The following TTLL3 variants were observed in gnomAD, a reference collection of about 807,000 sequenced individuals.
The protein encoded by TTLL3 is tubulin monoglycylase TTLL3.
A neutral mutation model predicts 75.2 loss-of-function variants in TTLL3; 63 were observed. The ratio of observed to expected loss-of-function variants is 0.84; its 90% CI spans 0.68 to 1.03. The LOEUF (loss-of-function observed/expected upper bound fraction) is 1.03, where lower values mean the gene tolerates loss of function less well. Ranked by LOEUF, TTLL3 falls within the 50% of genes least tolerant of loss-of-function variation. The probability of loss-of-function intolerance (pLI) is 0.00; values close to 1 mark genes in which losing one functional copy is unlikely to be tolerated. For missense variants in TTLL3, 997 were observed against 1,069.9 expected (o/e 0.93, Z 0.95); for synonymous variants, 393 against 418.5 (o/e 0.94, Z 0.74).
upstream of TTLL3, chr3:9,809,924 C>A: frequency 6.9e-6 from 8 of 1,165,704 alleles, no homozygotes; most frequent in Non-Finnish European, 7.6e-6. Flanking sequence ...CGAGCCTAGG[C>A]AGGAACTTCC....
Position 9,815,062 on chromosome 3 carries a change from A to AC in TTLL3, c.316-1008dup, listed in dbSNP as rs1200864825. Among the ~76,000 whole-genome samples, 26 of 150,432 alleles carry AC rather than the reference A, an allele frequency of 1.7e-4. No homozygotes were observed. The East Asian group carries it at 5.2e-3, about 30-fold the overall frequency. On this transcript the variant is annotated intron_variant, in intron 4 of 13. Transcript: ENST00000685419. The stretch of plus-strand genomic sequence containing the variant: ...AGACCAGCCTGGGGAACATGGTGAA[A>AC]CCCCGCCTCTACTAAAAATACAAAA...
chr3:9,817,763 A>G lies in TTLL3; in HGVS notation c.559+4A>G. The G allele has an allele frequency of 6.2e-7, 1 of 1,614,150 alleles. No individual in the cohort carries two copies. The highest frequency in any genetic ancestry group is 8.5e-7 in the Non-Finnish European group (1 of 1,180,008). On this transcript the variant is annotated splice_donor_region_variant and intron_variant, in intron 6 of 13. Transcript: ENST00000685419. ...GATGACAAAAAAGCCTTCATAGGTA[A>G]GGAGACCCCCAGCCCTATGCCTGAA...
At chr3:9,818,743 C>A in intron 6 of TTLL3, 79 bp from the exon 7 acceptor site, 3 of 1,605,990 alleles carry the variant, frequency 1.9e-6, no homozygotes, top group Non-Finnish European at 2.6e-6. Flanking sequence ...CAAAATGGGG[C>A]AAGTCATGAT....
chr3:9,818,647 C>G (rs762851033), intron 6 of TTLL3, 175 bp from the exon 7 acceptor site: 2 of 1,446,686 alleles, frequency 1.4e-6, no homozygotes, highest in South Asian at 1.4e-5. Context: ...GGATTACAGG[C>G]GTCAGCCACC....
rs140549097 is a variant in TTLL3, at chr3:9,828,266, A to G, written c.1248-694A>G. 8.5e-4 allele frequency: 77 copies of G among 91,098 alleles called. 1 individual carries two copies. The highest frequency in any genetic ancestry group is 2.6e-3 in the African/African-American group (72 of 27,212). 5.6% of individuals were successfully genotyped at this position (91,098 alleles called of 1,614,324 possible). ...ATGTCGTGTTAACTTCTAGGGTGAG[A>G]GAAAGCCTTGTTAAAGCCTGAATTC... On this transcript the variant is annotated intron_variant, in intron 10 of 13. Coordinates refer to ENST00000685419, the MANE Select transcript of TTLL3 (RefSeq NM_001387446.1).
chr3:9,817,713 A>G lies in TTLL3; in HGVS notation c.513A>G (p.Pro171=). The G allele has an allele frequency of 1.2e-6, 2 of 1,614,134 alleles. No homozygotes were observed. Among genetic ancestry groups the G allele is most frequent in the South Asian group, 2.2e-5 (2 of 91,086 alleles). The part of the protein sequence containing the change: ...FDEVDANSFF[P]RCYCLGAEDD... Reference sequence around the variant, plus strand: ...AGGTTGATGCCAACTCCTTCTTCCCACGCTGCTACTGCCTGGGGGCTGAGG... The same window carrying G: ...AGGTTGATGCCAACTCCTTCTTCCCGCGCTGCTACTGCCTGGGGGCTGAGG... The change falls in exon 6 of 14, where the codon CCA becomes CCG. Residue 171 remains proline, a synonymous_variant. Coordinates refer to ENST00000685419, the MANE Select transcript of TTLL3 (RefSeq NM_001387446.1).
intron 4 of TTLL3, among the ~76,000 whole-genome samples, chr3:9,813,718 C>T (rs1010207141): frequency 1.3e-5 from 2 of 152,152 alleles, no homozygotes; most frequent in Admixed American, 6.5e-5. Flanking sequence ...CTGGGAATTA[C>T]AGGCTGCAGT....
chr3:9,810,260 GCAGCCCCGCCCCTGCGCGCCGCCT>G (rs1279192243), exon 1 of TTLL3: 4 of 1,508,530 alleles, frequency 2.7e-6, no homozygotes, highest in Non-Finnish European at 3.5e-6. This position sits in a 1 kb window ranked among gnomAD's most constrained non-coding sequence, Gnocchi z 4.4. Context: ...TGCCAGGCGG[GCAGCCCCGCCCCTGCGCGCCGCCT>G]CAGCGGCGCC....
At position 9,820,694 on chromosome 3, in the gene TTLL3, C is replaced by G. The variant is rs2080326344; in HGVS notation, c.807C>G (p.Thr269=). ...DKDLEAPLYL[T]PEGWSLFLQR... is the part of the protein sequence containing the mutation. ...ACCTGGAGGCCCCGCTGTACCTCAC[C>G]CCCGAGGGCTGGTCCCTCTTCCTCC... The change falls in exon 8 of 14, where the codon ACC becomes ACG. Residue 269 remains threonine (T), a synonymous_variant. Transcript: ENST00000685419. 5 of 1,614,162 alleles carry G rather than the reference C, an allele frequency of 3.1e-6. No individual in the cohort carries two copies. The East Asian group carries it at 6.7e-5, about 22-fold the overall frequency.
chr3:9,827,401 C>G lies in TTLL3; in HGVS notation c.1247+161C>G, dbSNP rs568361985. On this transcript the variant is annotated intron_variant, in intron 10 of 13. Coordinates refer to ENST00000685419, the MANE Select transcript of TTLL3 (RefSeq NM_001387446.1). ...TCCTGCCAGCTGTCCTTGCATCCAA[C>G]AGATTTTTTTTTAACAGACAGGGGG... 1.3e-5 allele frequency: 18 copies of G among 1,356,336 alleles called. No homozygotes were observed. In the African/African-American group the frequency reaches 2.5e-4, roughly 19 times the overall value. 84.0% of individuals were successfully genotyped at this position (1,356,336 alleles called of 1,614,324 possible). A position where few individuals can be genotyped will look rare whatever the true frequency, so the allele number is the denominator to read the frequency against.
rs1321952653 is a variant in TTLL3, at chr3:9,825,870, G to A, written c.925G>A (p.Ala309Thr). Residue 309 changes from alanine to threonine, a missense_variant, in exon 9 of 14, where the codon GCC becomes ACC. Physicochemically the swap from Ala to Thr is moderately conservative, Grantham distance 58 (BLOSUM62 0). Coordinates refer to ENST00000685419, the MANE Select transcript of TTLL3 (RefSeq NM_001387446.1). ...RCEDILQQLQ[A>T]VVPQIDMEGD... The stretch of plus-strand genomic sequence containing the variant: ...TGAGGACATCCTGCAGCAGCTGCAG[G>A]CCGTGGTACCCCAGATAGACATGGA... 6.2e-7 allele frequency: 1 copy of A among 1,614,178 alleles called. No homozygotes were observed. Among genetic ancestry groups the A allele is most frequent in the Non-Finnish European group, 8.5e-7 (1 of 1,180,024 alleles).
intron 4 of TTLL3, among the ~76,000 whole-genome samples, chr3:9,815,224 A>G (rs2079727008): frequency 1.4e-5 from 2 of 141,186 alleles, no homozygotes; most frequent in South Asian, 4.7e-4. Context: ...CTGGGCGACA[A>G]GAGTCAGACT....
At chr3:9,827,480 G>C (rs1440832161) in intron 10 of TTLL3, 7 of 592,712 alleles carry the variant, frequency 1.2e-5, no homozygotes, top group Non-Finnish European at 1.9e-5. Context: ...ACGGCTCACT[G>C]TAGCCTTGAC....
chr3:9,810,712 C>CAG lies in TTLL3; in HGVS notation c.48+6_48+7dup. On this transcript the variant is annotated splice_donor_region_variant and intron_variant, in intron 2 of 13. Coordinates refer to ENST00000685419, the MANE Select transcript of TTLL3 (RefSeq NM_001387446.1). This position sits in a 1 kb window ranked among gnomAD's most constrained non-coding sequence, Gnocchi z 4.4. ...TCTACGTGGAGAGAGCTGTCAAGGT[C>CAG]AGAGGAGGGGCAGGGGCGCTTAGAA... The CAG allele has an allele frequency of 6.3e-7, 1 of 1,584,354 alleles. No homozygotes were observed. Among genetic ancestry groups the CAG allele is most frequent in the South Asian group, 1.2e-5 (1 of 86,426 alleles).
rs775473773 is a variant in TTLL3 at position 9,818,966 on chromosome 3, C to G, written c.658+46C>G. 6 of 1,612,446 alleles carry G rather than the reference C, an allele frequency of 3.7e-6. 1 individual carries two copies. In the South Asian group the frequency reaches 6.6e-5, roughly 18 times the overall value. Reference sequence around the variant, plus strand: ...CACTCTCCCACCCATTTATCCTCCACCCATCCGCCCTTCCACCTATCTGCC... The same window carrying G: ...CACTCTCCCACCCATTTATCCTCCAGCCATCCGCCCTTCCACCTATCTGCC... On this transcript the variant is annotated intron_variant, in intron 7 of 13. Transcript: ENST00000685419.
At chr3:9,812,244 G>A (rs904787938) in intron 2 of TTLL3, among the ~76,000 whole-genome samples, 5 of 152,148 alleles carry the variant, frequency 3.3e-5, no homozygotes, top group Non-Finnish European at 7.4e-5. Flanking sequence ...CACCAGATGA[G>A]GTGGCTGACG....
chr3:9,815,458 G>A lies in TTLL3; in HGVS notation c.316-616G>A, dbSNP rs964762009. The stretch of plus-strand genomic sequence containing the variant: ...AGAGCAGGGCCCAGCATGGGCTGAC[G>A]CTGGTTATTAATAATTACCCCACCT... On this transcript the variant is annotated intron_variant, in intron 4 of 13. Transcript: ENST00000685419. 6.6e-5 allele frequency among the ~76,000 whole-genome samples: 10 copies of A among 152,346 alleles called. No individual in the cohort carries two copies. The Middle Eastern group carries it at 0.01, about 155-fold the overall frequency.
At chr3:9,811,387 A>G (rs2079338762) in intron 2 of TTLL3, among the ~76,000 whole-genome samples, 1 of 152,110 alleles carries the variant, frequency 6.6e-6, no homozygotes, top group South Asian at 2.1e-4. Flanking sequence ...TCAGTTCCTC[A>G]CGCCAGAAAT....
chr3:9,820,322 G>A (rs1391838426), intron 7 of TTLL3: 27 of 1,386,768 alleles, frequency 1.9e-5, no homozygotes, highest in Admixed American at 6.0e-5. Context: ...GCAGAGCCTC[G>A]AGTGACAGGT....
Sources: allele counts gnomAD v4.1 joint callset (sites outside exome capture counted in the v4.1 genomes callset), GRCh38; gene constraint gnomAD v4.1.1; non-coding constraint Gnocchi (gnomAD v3.1); transcripts MANE v1.5; gene names NCBI Gene and HGNC (gene_info 2026-07-23, HGNC 2026-07-21).